The following HS2ST1 variants were observed in gnomAD, a reference collection of about 807,000 sequenced individuals.
HS2ST1 encodes the protein heparan sulfate 2-O-sulfotransferase 1.
In HS2ST1, 18 loss-of-function variants were observed where a neutral mutation model predicts 42.9. The observed-to-expected ratio is 0.42, with a 90% confidence interval of 0.29 to 0.62. The LOEUF (loss-of-function observed/expected upper bound fraction) is 0.62, where lower values mean the gene tolerates loss of function less well. HS2ST1 is among the 20% of genes least tolerant of loss of function. The pLI is 0.21. For synonymous variants in HS2ST1, 146 were observed against 152.9 expected, an observed-to-expected ratio of 0.95 and a Z score of 0.33; for missense variants, 334 against 433.8, an observed-to-expected ratio of 0.77 and a Z score of 2.04.
intron 1 of HS2ST1, among the ~76,000 whole-genome samples, chr1:86,941,660 G>A (rs1010912859): frequency 3.3e-5 from 5 of 151,858 alleles, no homozygotes; most frequent in Non-Finnish European, 7.4e-5. Flanking sequence ...TGTAATCCCA[G>A]CTACTCAGGA....
intron 1 of HS2ST1, among the ~76,000 whole-genome samples, chr1:87,024,488 G>GAGAC (rs1286953958): frequency 6.8e-6 from 1 of 147,562 alleles, no homozygotes; most frequent in Non-Finnish European, 1.5e-5. Context: ...GCGACAGAGT[G>GAGAC]AGACTCCGTC....
chr1:86,963,809 T>TCCCGCCCGGACGGGGTGGCTGGCC (rs1647939552), intron 1 of HS2ST1, among the ~76,000 whole-genome samples: 5 of 124,012 alleles, frequency 4.0e-5, no homozygotes, highest in African/African-American at 1.3e-4. Context: ...CCTCCCCCCC[T>TCCCGCCCGGACGGGGTGGCTGGCC]GGACGGGGCG....
intron 5 of HS2ST1, among the ~76,000 whole-genome samples, chr1:87,099,351 G>A (rs6684382): frequency 0.042 from 6,357 of 152,276 alleles, 441 homozygotes; most frequent in African/African-American, 0.14. Flanking sequence ...AGAAGGTGAC[G>A]CAGGAACAGG....
At chr1:86,934,026 T>C (rs1026472208) in intron 1 of HS2ST1, among the ~76,000 whole-genome samples, 3 of 152,190 alleles carry the variant, frequency 2.0e-5, no homozygotes, top group African/African-American at 7.2e-5. Flanking sequence ...TATAATCTTA[T>C]GATTAGCTCT....
chr1:87,022,261 C>T (rs1649971505), intron 1 of HS2ST1, among the ~76,000 whole-genome samples: 1 of 152,110 alleles, frequency 6.6e-6, no homozygotes, highest in South Asian at 2.1e-4. Context: ...AGCTTTCTTA[C>T]CTGTCATATT....
chr1:87,008,191 A>G (rs966644622), intron 1 of HS2ST1, among the ~76,000 whole-genome samples: 1 of 152,202 alleles, frequency 6.6e-6, no homozygotes, highest in Non-Finnish European at 1.5e-5. Flanking sequence ...TCTCAAGAGA[A>G]GCAAAGTCAA....
chr1:86,979,614 C>A (rs6695270), intron 1 of HS2ST1, among the ~76,000 whole-genome samples: 2 of 152,046 alleles, frequency 1.3e-5, no homozygotes, highest in African/African-American at 4.8e-5. Context: ...TATTCACGGA[C>A]ACTTGGATTG....
chr1:87,049,744 AT>A (rs1349054422), intron 1 of HS2ST1, among the ~76,000 whole-genome samples: 2 of 151,994 alleles, frequency 1.3e-5, no homozygotes, highest in Non-Finnish European at 2.9e-5. Context: ...TGCATTCTGG[AT>A]GGAGTGGTCT....
At chr1:86,971,234 A>G (rs1260569332) in intron 1 of HS2ST1, among the ~76,000 whole-genome samples, 2 of 152,206 alleles carry the variant, frequency 1.3e-5, no homozygotes, top group African/African-American at 4.8e-5. Flanking sequence ...GGGAAGGTCT[A>G]TACATTAGTG....
chr1:86,965,121 G>A (rs930665400), intron 1 of HS2ST1, among the ~76,000 whole-genome samples: 4 of 152,188 alleles, frequency 2.6e-5, no homozygotes, highest in African/African-American at 9.6e-5. Context: ...GCATCTTTCA[G>A]TAATAGAGTA....
At chr1:86,919,652 A>G (rs1660249560) in intron 1 of HS2ST1, among the ~76,000 whole-genome samples, 1 of 152,200 alleles carries the variant, frequency 6.6e-6, no homozygotes, top group Non-Finnish European at 1.5e-5. Flanking sequence ...GGTATCAGTG[A>G]ATTCCCTGAA....
intron 1 of HS2ST1, among the ~76,000 whole-genome samples, chr1:87,009,976 A>G (rs1182998078): frequency 1.3e-5 from 2 of 152,028 alleles, no homozygotes; most frequent in Admixed American, 6.6e-5. Flanking sequence ...CAGAGCTTGC[A>G]GTGAGCCAAG....
chr1:87,040,389 T>G (rs1200012746), intron 1 of HS2ST1, among the ~76,000 whole-genome samples: 1 of 152,140 alleles, frequency 6.6e-6, no homozygotes, highest in Non-Finnish European at 1.5e-5. Context: ...TTTTTAGAAG[T>G]ATCCATTTTC....
Position 87,107,780 on chromosome 1 carries a change from G to A in HS2ST1, c.*3084G>A, listed in dbSNP as rs1393621144. ...TGATTGTTTTAAAATCTAATGGGAA[G>A]TAAAATATATTTTGATTTTACCCAG... is the stretch of plus-strand genomic sequence containing the variant. On this transcript the variant is annotated 3_prime_UTR_variant, in exon 7 of 7. Transcript: ENST00000370550. 6.6e-6 allele frequency: 1 copy of A among 151,906 alleles called. No homozygotes were observed. Among genetic ancestry groups the A allele is most frequent in the Non-Finnish European group, 1.5e-5 (1 of 67,892 alleles). 9.4% of individuals were successfully genotyped at this position (151,906 alleles called of 1,614,324 possible). A position where few individuals can be genotyped will look rare whatever the true frequency, so the allele number is the denominator to read the frequency against.
intron 1 of HS2ST1, among the ~76,000 whole-genome samples, chr1:87,013,130 A>G (rs968181749): frequency 2.6e-5 from 4 of 152,206 alleles, no homozygotes. Flanking sequence ...TCACAGCTCC[A>G]GTAGGTAGTT....
chr1:86,930,846 T>C (rs1330635670), intron 1 of HS2ST1, among the ~76,000 whole-genome samples: 1 of 152,018 alleles, frequency 6.6e-6, no homozygotes, highest in Non-Finnish European at 1.5e-5. Context: ...CTTGTAGTAA[T>C]GTTGGCACTT....
chr1:86,950,195 G>A (rs1481326525), intron 1 of HS2ST1, among the ~76,000 whole-genome samples: 1 of 152,212 alleles, frequency 6.6e-6, no homozygotes, highest in Non-Finnish European at 1.5e-5. Context: ...GCTGAGAAGA[G>A]TACAACTTCA....
At position 86,922,162 on chromosome 1, in the gene HS2ST1, T is replaced by C. The variant is rs572839849; in HGVS notation, c.124+7002T>C. ...TTGATGACTTACTAGCAGTGCTCTT[T>C]GTTGTTGTTTTTTTTTTAAGTGGTT... On this transcript the variant is annotated intron_variant, in intron 1 of 6. Coordinates refer to ENST00000370550, the MANE Select transcript of HS2ST1 (RefSeq NM_012262.4). Among the ~76,000 whole-genome samples the C allele has an allele frequency of 8.0e-4, 108 of 134,306 alleles. No individual in the cohort carries two copies. In the Middle Eastern group the frequency reaches 0.018, roughly 22 times the overall value. The allele number at this position is 134,306 out of a possible 152,430, so 88.1% of individuals were successfully genotyped here. A position where few individuals can be genotyped will look rare whatever the true frequency, so the allele number is the denominator to read the frequency against.
intron 1 of HS2ST1, among the ~76,000 whole-genome samples, chr1:86,936,444 A>T (rs1310723297): frequency 1.3e-5 from 2 of 152,100 alleles, no homozygotes; most frequent in Non-Finnish European, 2.9e-5. Flanking sequence ...TTATTAGTTG[A>T]TTTCTCTAAT....
Sources: gnomAD v4.1 joint callset for allele counts (sites outside exome capture counted in the v4.1 genomes callset) on GRCh38, gnomAD v4.1.1 for gene constraint, MANE v1.5 for transcripts, NCBI Gene and HGNC (gene_info 2026-07-23, HGNC 2026-07-21) for gene names.